Variants in GNA14 observed in about 807,000 individuals in gnomAD.
The protein encoded by GNA14 is G protein subunit alpha 14, also known as guanine nucleotide-binding protein subunit alpha-14.
GNA14 carries 50 observed loss-of-function variants against 42.0 expected under a neutral mutation model. That is an observed-to-expected ratio of 1.19 (90% CI 0.95 to 1.51). The LOEUF is 1.51. GNA14 is among the 40% of genes most tolerant of loss of function. The pLI is 0.00. For synonymous variants in GNA14, 173 were observed against 163.1 expected, an observed-to-expected ratio of 1.06 and a Z score of -0.46; for missense variants, 473 against 446.2, an observed-to-expected ratio of 1.06 and a Z score of -0.54.
chr9:77,474,136 A>G (rs551122523), intron 2 of GNA14, among the ~76,000 whole-genome samples: 3 of 152,286 alleles, frequency 2.0e-5, no homozygotes, highest in African/African-American at 7.2e-5. Flanking sequence ...GGAAGCAACA[A>G]AAGAAAAAAC....
At chr9:77,588,752 C>G (rs1823344204) in intron 1 of GNA14, among the ~76,000 whole-genome samples, 1 of 152,202 alleles carries the variant, frequency 6.6e-6, no homozygotes, top group Admixed American at 6.5e-5. Context: ...GAATCTGAGT[C>G]AGAGGTCACC....
At chr9:77,533,252 C>T (rs1228801495) in intron 1 of GNA14, among the ~76,000 whole-genome samples, 1 of 152,206 alleles carries the variant, frequency 6.6e-6, no homozygotes, top group African/African-American at 2.4e-5. Flanking sequence ...TCTCAGCTCA[C>T]TGCATGTAAC....
intron 2 of GNA14, among the ~76,000 whole-genome samples, chr9:77,458,392 T>G (rs913550138): frequency 6.6e-6 from 1 of 152,148 alleles, no homozygotes; most frequent in Non-Finnish European, 1.5e-5. Flanking sequence ...GGACTAGGAA[T>G]GCGCTGGCCA....
intron 2 of GNA14, among the ~76,000 whole-genome samples, chr9:77,526,069 T>G (rs1191740641): frequency 2.8e-5 from 4 of 143,222 alleles, no homozygotes; most frequent in Non-Finnish European, 4.5e-5. Context: ...ACCCGGCTAA[T>G]TTTTGTATTT....
chr9:77,468,561 T>C (rs1836275988), intron 2 of GNA14, among the ~76,000 whole-genome samples: 1 of 152,230 alleles, frequency 6.6e-6, no homozygotes, highest in Non-Finnish European at 1.5e-5. Context: ...TTTCAAGACT[T>C]TCTCTCTTTC....
intron 1 of GNA14, among the ~76,000 whole-genome samples, chr9:77,554,476 T>A (rs376381510): frequency 6.6e-6 from 1 of 152,242 alleles, no homozygotes; most frequent in African/African-American, 2.4e-5. Context: ...TCAGTTTGAC[T>A]GTTAGCAAGA....
At chr9:77,632,531 T>C (rs185605903) in intron 1 of GNA14, among the ~76,000 whole-genome samples, 60 of 152,232 alleles carry the variant, frequency 3.9e-4, no homozygotes, top group Non-Finnish European at 7.8e-4. Flanking sequence ...GCTTGCCACA[T>C]TGTGGACAAA....
chr9:77,514,511 G>T (rs1377354469), intron 2 of GNA14, among the ~76,000 whole-genome samples: 1 of 152,060 alleles, frequency 6.6e-6, no homozygotes, highest in African/African-American at 2.4e-5. Flanking sequence ...GTAATACGAA[G>T]GATACTGGGC....
chr9:77,580,160 G>A (rs1223159283), intron 1 of GNA14: 1 of 223,758 alleles, frequency 4.5e-6, no homozygotes, highest in East Asian at 1.1e-4. Context: ...GCCCACTTGG[G>A]TCACAAACCA....
chr9:77,618,614 ATATATATTTTTTTTTTTTTTTT>A (rs1380079711), intron 1 of GNA14, among the ~76,000 whole-genome samples: 1 of 11,086 alleles, frequency 9.0e-5, no homozygotes, highest in Non-Finnish European at 1.6e-4. Flanking sequence ...ATATATATAT[ATATATATTTTTTTTTTTTTTTT>A]TTTTTTTTTT....
intron 2 of GNA14, among the ~76,000 whole-genome samples, chr9:77,482,380 G>T (rs1005881058): frequency 1.3e-5 from 2 of 152,130 alleles, no homozygotes; most frequent in Non-Finnish European, 2.9e-5. Context: ...GTTGAATATT[G>T]GTCCCCACTC....
At chr9:77,543,662 C>T (rs1392539525) in intron 1 of GNA14, among the ~76,000 whole-genome samples, 3 of 152,198 alleles carry the variant, frequency 2.0e-5, no homozygotes. Flanking sequence ...TTACCTTTTC[C>T]CCATGTTTGG....
intron 2 of GNA14, among the ~76,000 whole-genome samples, chr9:77,495,681 A>T (rs1417857563): frequency 6.6e-6 from 1 of 152,204 alleles, no homozygotes; most frequent in African/African-American, 2.4e-5. Context: ...TGCTTAAAAC[A>T]TTTTATAATA....
intron 1 of GNA14, among the ~76,000 whole-genome samples, chr9:77,576,120 C>T (rs1378080951): frequency 2.0e-5 from 3 of 152,186 alleles, no homozygotes; most frequent in Non-Finnish European, 4.4e-5. Context: ...CATAAATATA[C>T]TGCTAATCAT....
rs567665487 is a variant in GNA14 at position 77,633,132 on chromosome 9, G to A, written c.124+14538C>T. Among the ~76,000 whole-genome samples the A allele has an allele frequency of 1.9e-4, 29 of 152,268 alleles. No homozygotes were observed. The East Asian group carries it at 5.4e-3, about 28-fold the overall frequency. The stretch of plus-strand genomic sequence containing the variant: ...AATTTAGAGGCTAGCGGAGAAGGAG[G>A]ATGATAAGTACAATTTCAAACTAGG... On this transcript the variant is annotated intron_variant, in intron 1 of 6. Coordinates refer to ENST00000341700, the MANE Select transcript of GNA14 (RefSeq NM_004297.4).
chr9:77,497,712 T>C (rs1836893547), intron 2 of GNA14, among the ~76,000 whole-genome samples: 1 of 152,106 alleles, frequency 6.6e-6, no homozygotes, highest in African/African-American at 2.4e-5. Context: ...AGCTAACATA[T>C]TTATATACAT....
chr9:77,431,295 A>C (rs958181017), intron 4 of GNA14, 26 bp downstream of exon 4: 1 of 1,607,826 alleles, frequency 6.2e-7, no homozygotes, highest in African/African-American at 1.3e-5. Context: ...CAGATTCTTC[A>C]TGGTACATCA....
chr9:77,528,196 G>C (rs1837471837), intron 2 of GNA14, among the ~76,000 whole-genome samples: 1 of 151,834 alleles, frequency 6.6e-6, no homozygotes, highest in Non-Finnish European at 1.5e-5. Flanking sequence ...TGTCCTTAGG[G>C]GTCCATACTA....
At chr9:77,456,223 C>T (rs377609904) in intron 2 of GNA14, 25 of 152,136 alleles carry the variant, frequency 1.6e-4, no homozygotes, top group East Asian at 9.6e-4. Flanking sequence ...CAATTCCAAG[C>T]GTGCCTGACC....
Sources: gnomAD v4.1 joint callset for allele counts (sites outside exome capture counted in the v4.1 genomes callset) on GRCh38, gnomAD v4.1.1 for gene constraint, MANE v1.5 for transcripts, NCBI Gene and HGNC (gene_info 2026-07-23, HGNC 2026-07-21) for gene names.